PDE11A: variants seen among roughly 807,000 people sequenced by gnomAD.
The protein encoded by PDE11A is phosphodiesterase 11A.
PDE11A carries 100 observed loss-of-function variants against 100.5 expected under a neutral mutation model. The observed-to-expected ratio is 1.00, with a 90% CI of 0.85 to 1.18. PDE11A has a LOEUF of 1.18. Among genes scored for constraint, PDE11A ranks in the 50% most tolerant of loss-of-function variants. PDE11A has a pLI of 0.00. For missense variants in PDE11A, 1,141 were observed against 1,152.6 expected (o/e 0.99, Z 0.15); for synonymous variants, 381 against 420.8 (o/e 0.91, Z 1.16).
At chr2:177,663,112 A>G (rs2080507498) in intron 19 of PDE11A, among the ~76,000 whole-genome samples, 1 of 152,238 alleles carries the variant, frequency 6.6e-6, no homozygotes. Context: ...GCTTAGAAGT[A>G]GAATTAAAAG....
chr2:177,690,104 T>C (rs1358793852), intron 15 of PDE11A, among the ~76,000 whole-genome samples: 1 of 152,204 alleles, frequency 6.6e-6, no homozygotes, highest in Admixed American at 6.5e-5. Context: ...TCTCATTTTT[T>C]AGTCAGTTTT....
rs117932184 is a variant in PDE11A, at chr2:177,768,135, C to T, written c.1788+1188G>A. 3.3e-3 allele frequency among the ~76,000 whole-genome samples: 499 copies of T among 152,268 alleles called. 5 individuals carry two copies. The East Asian group carries it at 0.046, about 14-fold the overall frequency. On this transcript the variant is annotated intron_variant, in intron 10 of 19. Coordinates refer to ENST00000286063, the MANE Select transcript of PDE11A (RefSeq NM_016953.4). ...ATGCTTGCAGTGTATGTGCTGCTTC[C>T]GGCCCTTGCGAGGAGTTCTTTTATC...
At chr2:177,677,740 T>C (rs2080800885) in intron 16 of PDE11A, 1 of 152,082 alleles carries the variant, frequency 6.6e-6, no homozygotes, top group South Asian at 2.1e-4. Context: ...AAATGAGCAG[T>C]TCTATGTTAT....
intron 1 of PDE11A, among the ~76,000 whole-genome samples, chr2:178,023,977 G>A (rs1465876318): frequency 6.6e-6 from 1 of 152,130 alleles, no homozygotes; most frequent in South Asian, 2.1e-4. Context: ...GGAATCACCT[G>A]GGACCTTTAG....
intron 9 of PDE11A, among the ~76,000 whole-genome samples, chr2:177,804,783 A>G (rs2082845428): frequency 6.6e-6 from 1 of 152,028 alleles, no homozygotes; most frequent in Non-Finnish European, 1.5e-5. Flanking sequence ...TTGCAGTAAC[A>G]TAGATGGAAC....
At chr2:178,068,025 C>T (rs146055124) in intron 1 of PDE11A, among the ~76,000 whole-genome samples, 3 of 152,218 alleles carry the variant, frequency 2.0e-5, no homozygotes, top group East Asian at 1.9e-4. Context: ...ATTCACCTCA[C>T]GATTTTTATG....
chr2:177,908,150 C>T (rs2084819941), intron 2 of PDE11A, among the ~76,000 whole-genome samples: 1 of 152,236 alleles, frequency 6.6e-6, no homozygotes, highest in Non-Finnish European at 1.5e-5. Flanking sequence ...CAAAGTCATA[C>T]ATATCTTTCA....
At chr2:177,687,618 A>G (rs963083619) in intron 15 of PDE11A, 5 of 152,200 alleles carry the variant, frequency 3.3e-5, no homozygotes, top group Admixed American at 6.5e-5. Context: ...TTGCTATTAC[A>G]TACAATGCAG....
At chr2:177,919,932 A>G (rs2105752454) in intron 2 of PDE11A, among the ~76,000 whole-genome samples, 1 of 152,308 alleles carries the variant, frequency 6.6e-6, no homozygotes, top group South Asian at 2.1e-4. Context: ...CATGCAACTT[A>G]AAGGAACAGA....
chr2:177,786,228 C>T (rs1462785462), intron 9 of PDE11A, among the ~76,000 whole-genome samples: 1 of 152,226 alleles, frequency 6.6e-6, no homozygotes, highest in Non-Finnish European at 1.5e-5. Context: ...ATTCGCGGTT[C>T]ATGAAAATCC....
intron 10 of PDE11A, among the ~76,000 whole-genome samples, chr2:177,766,300 G>A (rs2082237851): frequency 6.6e-6 from 1 of 152,170 alleles, no homozygotes; most frequent in African/African-American, 2.4e-5. Context: ...TGCCACTGCT[G>A]ATCTGACAGG....
At chr2:178,073,983 C>G (rs1406204477), upstream of PDE11A, among the ~76,000 whole-genome samples, 2 of 151,844 alleles carry the variant, frequency 1.3e-5, no homozygotes, top group Non-Finnish European at 2.9e-5. Flanking sequence ...AAATGTCCAT[C>G]AGCTGAGGAA....
intron 1 of PDE11A, among the ~76,000 whole-genome samples, chr2:178,052,736 C>G (rs549013256): frequency 1.3e-5 from 2 of 152,202 alleles, no homozygotes; most frequent in Admixed American, 6.5e-5. Context: ...CTATAAACAC[C>G]TCTATGCAAA....
At chr2:178,034,097 C>T (rs1262283085) in intron 1 of PDE11A, among the ~76,000 whole-genome samples, 2 of 152,012 alleles carry the variant, frequency 1.3e-5, no homozygotes, top group Non-Finnish European at 2.9e-5. Context: ...AAGACACAGA[C>T]TGGAAAATTG....
chr2:177,695,466 C>G (rs2105529925), intron 15 of PDE11A, among the ~76,000 whole-genome samples: 1 of 152,236 alleles, frequency 6.6e-6, no homozygotes, highest in South Asian at 2.1e-4. Flanking sequence ...TTAAATGTAA[C>G]TGGACTTTCT....
chr2:177,793,043 C>T (rs1336808161), intron 9 of PDE11A, among the ~76,000 whole-genome samples: 1 of 152,132 alleles, frequency 6.6e-6, no homozygotes, highest in African/African-American at 2.4e-5. Context: ...AAGAACCAGC[C>T]AGCCAACGGG....
rs570896080 is a variant in PDE11A, at chr2:178,096,425, G to A, written c.162+7877C>T. ...CCTGACCTCATGATCCGCCCGCCTCGGCCTCCCAAAGTGCTGGGATTACAG... is the reference window on the plus strand; with the variant it reads ...CCTGACCTCATGATCCGCCCGCCTCAGCCTCCCAAAGTGCTGGGATTACAG... On this transcript the variant is annotated intron_variant, in intron 2 of 20. Transcript: ENST00000358450. Among the ~76,000 whole-genome samples, 12 of 150,758 alleles carry A rather than the reference G, an allele frequency of 8.0e-5. 1 individual carries two copies. The highest frequency in any genetic ancestry group is 3.9e-4 in the East Asian group (2 of 5,124).
Position 177,761,352 on chromosome 2 carries a change from G to A in PDE11A, c.1788+7971C>T, listed in dbSNP as rs1033925247. Among the ~76,000 whole-genome samples the A allele has an allele frequency of 3.3e-5, 5 of 152,160 alleles. No homozygotes were observed. In the South Asian group the frequency reaches 8.3e-4, roughly 25 times the overall value. ...ATTGTCAGAAATTTCCATCGTCATAGGTCCCTGCTTCAAAATTCCACCCAA... is the reference window on the plus strand; with the variant it reads ...ATTGTCAGAAATTTCCATCGTCATAAGTCCCTGCTTCAAAATTCCACCCAA... On this transcript the variant is annotated intron_variant, in intron 10 of 19. Coordinates refer to ENST00000286063, the MANE Select transcript of PDE11A (RefSeq NM_016953.4).
chr2:177,649,922 G>T, intron 19 of PDE11A, among the ~76,000 whole-genome samples: 1 of 152,280 alleles, frequency 6.6e-6, no homozygotes, highest in African/African-American at 2.4e-5. Flanking sequence ...TCATGTGTTA[G>T]AAATATTAAA....
Sources: gnomAD v4.1 joint callset for allele counts (sites outside exome capture counted in the v4.1 genomes callset) on GRCh38, gnomAD v4.1.1 for gene constraint, MANE v1.5 for transcripts, NCBI Gene and HGNC (gene_info 2026-07-23, HGNC 2026-07-21) for gene names.